The following GABPA variants were observed in gnomAD, a reference collection of about 807,000 sequenced individuals.
GABPA encodes GA-binding protein alpha chain.
GABPA carries 4 observed loss-of-function variants against 59.4 expected under a neutral mutation model. The observed-to-expected ratio is 0.07, with a 90% CI of 0.03 to 0.15. The LOEUF (loss-of-function observed/expected upper bound fraction) is 0.15. GABPA is among the 10% of genes least tolerant of loss of function. GABPA has a pLI of 1.00. For synonymous variants in GABPA, 164 were observed against 183.1 expected (o/e 0.90, Z 0.84); for missense variants, 251 against 543.8 (o/e 0.46, Z 5.36).
At chr21:25,748,208 A>G (rs1251483296) in intron 3 of GABPA, among the ~76,000 whole-genome samples, 1 of 152,164 alleles carries the variant, frequency 6.6e-6, no homozygotes, top group Non-Finnish European at 1.5e-5. Context: ...GCCCAGCCGT[A>G]CACAGTTTGT....
At chr21:25,742,045 A>G (rs112601034) in intron 2 of GABPA, among the ~76,000 whole-genome samples, 1 of 152,250 alleles carries the variant, frequency 6.6e-6, no homozygotes, top group Non-Finnish European at 1.5e-5. Context: ...CTAATTGACA[A>G]GAATATGTGA....
At chr21:25,744,480 A>G (rs1205045981) in intron 2 of GABPA, among the ~76,000 whole-genome samples, 2 of 152,234 alleles carry the variant, frequency 1.3e-5, no homozygotes, top group African/African-American at 4.8e-5. Flanking sequence ...TAAGATTTAA[A>G]TCATATTTAA....
intron 9 of GABPA, among the ~76,000 whole-genome samples, chr21:25,766,095 G>T (rs71651645): frequency 6.6e-6 from 1 of 152,072 alleles, no homozygotes; most frequent in East Asian, 1.9e-4. Flanking sequence ...CCATACAGTA[G>T]AATAGGGAGC....
intron 7 of GABPA, 67 bp downstream of exon 7, chr21:25,762,432 T>G: frequency 8.5e-7 from 1 of 1,174,488 alleles, no homozygotes; most frequent in East Asian, 2.5e-5. Context: ...CGCAAGGTAA[T>G]AAAAAGGAAA....
intron 3 of GABPA, among the ~76,000 whole-genome samples, chr21:25,748,320 T>G (rs2035420421): frequency 6.6e-6 from 1 of 152,230 alleles, no homozygotes; most frequent in African/African-American, 2.4e-5. Flanking sequence ...GACATGCAGC[T>G]TTATGACATG....
chr21:25,749,517 C>G (rs2035453184), intron 4 of GABPA, among the ~76,000 whole-genome samples: 1 of 152,154 alleles, frequency 6.6e-6, no homozygotes, highest in Non-Finnish European at 1.5e-5. Context: ...GTTGCCTTTA[C>G]AGTGATCCAC....
intron 5 of GABPA, among the ~76,000 whole-genome samples, chr21:25,756,379 C>A (rs1448506598): frequency 1.3e-5 from 2 of 152,100 alleles, no homozygotes; most frequent in Non-Finnish European, 2.9e-5. Flanking sequence ...CTTTCCTTTT[C>A]CTTGGCGTCC....
intron 7 of GABPA, chr21:25,762,854 G>A (rs1412787436): frequency 9.9e-6 from 2 of 201,744 alleles, no homozygotes; most frequent in Non-Finnish European, 2.1e-5. Flanking sequence ...TTTTCATTTG[G>A]TGGGAGTTGC....
intron 5 of GABPA, among the ~76,000 whole-genome samples, chr21:25,757,648 C>T (rs995265601): frequency 1.3e-5 from 2 of 151,982 alleles, no homozygotes; most frequent in Non-Finnish European, 2.9e-5. Context: ...TTCAATGCAA[C>T]TGCAAATTTT....
intron 5 of GABPA, among the ~76,000 whole-genome samples, 161 bp from the exon 6 acceptor site, chr21:25,757,849 A>ATTTT (rs60518912): frequency 0.016 from 1,722 of 108,636 alleles, 62 homozygotes; most frequent in African/African-American, 0.06. Flanking sequence ...TTACAGCATA[A>ATTTT]TTTTTTTTTT....
At chr21:25,752,308 T>C (rs1013467425) in intron 5 of GABPA, 74 bp downstream of exon 5, 3 of 1,397,598 alleles carry the variant, frequency 2.1e-6, no homozygotes, top group Non-Finnish European at 2.0e-6. Context: ...CTAGGGTAAG[T>C]TATAATCTAT....
At chr21:25,755,128 A>T (rs1424988240) in intron 5 of GABPA, among the ~76,000 whole-genome samples, 2 of 151,938 alleles carry the variant, frequency 1.3e-5, no homozygotes, top group African/African-American at 4.8e-5. Context: ...CTATATGCTG[A>T]TAAAACGAGG....
chr21:25,735,201 A>G lies in GABPA; in HGVS notation c.-404A>G. The G allele has an allele frequency of 1.7e-6, 1 of 594,528 alleles. No homozygotes were observed. 36.8% of individuals were successfully genotyped at this position (594,528 alleles called of 1,614,324 possible). On this transcript the variant is annotated 5_prime_UTR_variant, in exon 1 of 10. Transcript: ENST00000400075. ...CTTTGAGTGGCCTTTCCCCTAGTTC[A>G]AGCTCCCCTCCGAGTCAGCGTCCTG...
chr21:25,758,356 T>G, intron 6 of GABPA, 152 bp downstream of exon 6: 1 of 543,768 alleles, frequency 1.8e-6, no homozygotes, highest in Non-Finnish European at 3.1e-6. Context: ...TGCTGAAAGC[T>G]CTATATGTTC....
intron 8 of GABPA, 56 bp from the exon 9 acceptor site, chr21:25,764,539 G>C: frequency 6.6e-7 from 1 of 1,524,106 alleles, no homozygotes. Context: ...TGTTGTCTTT[G>C]CCTTGGGCTA....
chr21:25,752,027 C>G lies in GABPA; in HGVS notation c.346C>G (p.Pro116Ala). 1.9e-6 allele frequency: 3 copies of G among 1,611,592 alleles called. No individual in the cohort carries two copies. Among genetic ancestry groups the G allele is most frequent in the South Asian group, 2.2e-5 (2 of 90,986 alleles). The change falls in exon 5 of 10, where the codon CCT becomes GCT. Residue 116 changes from proline to alanine, a missense_variant. Coordinates refer to ENST00000400075, the MANE Select transcript of GABPA (RefSeq NM_002040.4). Reference sequence around the variant, plus strand: ...GTTAAACATCCTTGAAATTGTTAAACCTGCGGACACTGTTGAGGTTGTTAT... The same window carrying G: ...GTTAAACATCCTTGAAATTGTTAAAGCTGCGGACACTGTTGAGGTTGTTAT... ...PKLNILEIVKPADTVEVVIDP... is the reference protein window; with the variant it reads ...PKLNILEIVKAADTVEVVIDP...
chr21:25,752,289 T>A, intron 5 of GABPA, 55 bp downstream of exon 5: 1 of 1,515,900 alleles, frequency 6.6e-7, no homozygotes, highest in South Asian at 1.2e-5. Flanking sequence ...AAGCTTGACA[T>A]AGAAGACACT....
intron 6 of GABPA, among the ~76,000 whole-genome samples, chr21:25,758,868 G>A (rs1384621913): frequency 6.6e-5 from 10 of 151,988 alleles, no homozygotes; most frequent in Non-Finnish European, 1.3e-4. Flanking sequence ...TTAGAAGTTC[G>A]AGACCAGCCT....
At chr21:25,764,569 A>T in intron 8 of GABPA, 26 bp from the exon 9 acceptor site, 1 of 1,594,894 alleles carries the variant, frequency 6.3e-7, no homozygotes, top group Non-Finnish European at 8.6e-7. Context: ...ACTATAGCTA[A>T]TGCTTTGTTC....
Sources: allele counts gnomAD v4.1 joint callset (sites outside exome capture counted in the v4.1 genomes callset), GRCh38; gene constraint gnomAD v4.1.1; transcripts MANE v1.5; gene names NCBI Gene and HGNC (gene_info 2026-07-23, HGNC 2026-07-21).